GTPBP10: variants seen among roughly 807,000 people sequenced by gnomAD.
GTPBP10 encodes GTP-binding protein 10.
Under a neutral mutation model 44.8 loss-of-function variants are expected in GTPBP10, and 38 were observed. The ratio of observed to expected loss-of-function variants is 0.85; its 90% CI spans 0.65 to 1.11. The LOEUF (loss-of-function observed/expected upper bound fraction) is 1.11, where lower values mean the gene tolerates loss of function less well. GTPBP10 is among the 50% of genes most tolerant of loss of function. The probability of loss-of-function intolerance (pLI) is 0.00; values close to 1 mark genes in which losing one functional copy is unlikely to be tolerated. For synonymous variants in GTPBP10, 152 were observed against 150.6 expected (o/e 1.01, Z -0.07); for missense variants, 462 against 453.7 (o/e 1.02, Z -0.17).
intron 1 of GTPBP10, among the ~76,000 whole-genome samples, chr7:90,349,536 T>A (rs1438696089): frequency 1.3e-5 from 2 of 152,198 alleles, no homozygotes; most frequent in Non-Finnish European, 2.9e-5. Context: ...GAGAAAAGGT[T>A]TTTGTTCTCT....
intron 4 of GTPBP10, among the ~76,000 whole-genome samples, chr7:90,367,087 TTG>T (rs1315557668): frequency 6.6e-6 from 1 of 152,194 alleles, no homozygotes; most frequent in African/African-American, 2.4e-5. Flanking sequence ...TTCCATGTAG[TTG>T]TGTGGTTTTG....
Position 90,377,614 on chromosome 7 carries a change from TGTAA to T in GTPBP10, c.699+3_699+6del, listed in dbSNP as rs1410333411. On this transcript the variant is annotated splice_donor_variant and splice_donor_region_variant and intron_variant, in intron 7 of 9. Transcript: ENST00000222511. LOFTEE classifies it high-confidence loss of function. ...AAAGAACTAGACAACTACTTTTTGT[TGTAA>T]GTCATATGTATACTAATGTGATATT... is the stretch of plus-strand genomic sequence containing the variant. 2 of 1,581,054 alleles carry T rather than the reference TGTAA, an allele frequency of 1.3e-6. No homozygotes were observed. The highest frequency in any genetic ancestry group is 1.7e-6 in the Non-Finnish European group (2 of 1,152,994).
Position 90,377,578 on chromosome 7 carries a change from C to G in GTPBP10, c.663C>G (p.Leu221=). The change falls in exon 7 of 10, where the codon CTC becomes CTG. Residue 221 remains leucine (L), a synonymous_variant. Coordinates refer to ENST00000222511, the MANE Select transcript of GTPBP10 (RefSeq NM_033107.4). ...HMNKGMGHKF[L]KHIERTRQLL... Reference sequence around the variant, plus strand: ...ACAAAGGAATGGGCCACAAATTCCTCAAGCATATAGAAAGAACTAGACAAC... The same window carrying G: ...ACAAAGGAATGGGCCACAAATTCCTGAAGCATATAGAAAGAACTAGACAAC... 2 of 1,611,166 alleles carry G rather than the reference C, an allele frequency of 1.2e-6. No homozygotes were observed. The highest frequency in any genetic ancestry group is 2.2e-5 in the South Asian group (2 of 90,588).
At chr7:90,361,397 G>T (rs1310439645) in intron 4 of GTPBP10, among the ~76,000 whole-genome samples, 3 of 115,714 alleles carry the variant, frequency 2.6e-5, no homozygotes, top group African/African-American at 7.0e-5. Context: ...TAATCATGTG[G>T]TTTTTGTCAT....
chr7:90,364,314 G>C (rs1796088985), intron 4 of GTPBP10, among the ~76,000 whole-genome samples: 1 of 152,094 alleles, frequency 6.6e-6, no homozygotes, highest in Non-Finnish European at 1.5e-5. Context: ...ATGGGTTTTT[G>C]GTGTGGATGT....
At chr7:90,365,655 C>T (rs765891824) in intron 4 of GTPBP10, among the ~76,000 whole-genome samples, 4 of 152,146 alleles carry the variant, frequency 2.6e-5, no homozygotes, top group Admixed American at 6.5e-5. Flanking sequence ...GGATTACAGG[C>T]GTGAGCCACC....
In GTPBP10 at chr7:90,352,907, G is replaced by T. The variant is rs781150163; in HGVS notation, c.125G>T (p.Gly42Val). Reference sequence around the variant, plus strand: ...CGTTTAGGTGGAGAAGGTGGAAAAGGTGGTGATGTCTGGGTTGTAGCCCAG... The same window carrying T: ...CGTTTAGGTGGAGAAGGTGGAAAAGTTGGTGATGTCTGGGTTGTAGCCCAG... Reference protein sequence around the residue: ...YPRLGGEGGKGGDVWVVAQNR... With the variant: ...YPRLGGEGGKVGDVWVVAQNR... The change falls in exon 2 of 10, where the codon GGT (glycine) becomes GTT (valine). Residue 42 changes from glycine (G) to valine (V), a missense_variant. Gly to Val is a moderately radical substitution (Grantham distance 109). Coordinates refer to ENST00000222511, the MANE Select transcript of GTPBP10 (RefSeq NM_033107.4). The T allele has an allele frequency of 9.3e-6, 15 of 1,613,872 alleles. No individual in the cohort carries two copies. The highest frequency in any genetic ancestry group is 1.3e-5 in the Non-Finnish European group (15 of 1,179,968).
rs999168346 is a variant in GTPBP10 at position 90,389,753 on chromosome 7, A to T, written c.*4599A>T. On this transcript the variant is annotated 3_prime_UTR_variant, in exon 10 of 10. Coordinates refer to ENST00000222511, the MANE Select transcript of GTPBP10 (RefSeq NM_033107.4). ...AAAAGTTAAGCAGTGAAAAATAAAC[A>T]TCTTTTTTTCTTAAAGAGATATTTC... 6 of 152,164 alleles carry T rather than the reference A, an allele frequency of 3.9e-5. No individual in the cohort carries two copies. Among genetic ancestry groups the T allele is most frequent in the Non-Finnish European group, 7.3e-5 (5 of 68,030 alleles). The allele number at this position is 152,164 out of a possible 1,614,324, so 9.4% of individuals were successfully genotyped here. A position where few individuals can be genotyped will look rare whatever the true frequency, so the allele number is the denominator to read the frequency against.
At chr7:90,369,710 C>T (rs1796218553) in intron 4 of GTPBP10, among the ~76,000 whole-genome samples, 1 of 152,178 alleles carries the variant, frequency 6.6e-6, no homozygotes, top group African/African-American at 2.4e-5. Flanking sequence ...ACCACTCCTC[C>T]AGGTACAGAC....
At chr7:90,371,211 GTGTC>G (rs1237050079) in intron 4 of GTPBP10, 14 of 972,494 alleles carry the variant, frequency 1.4e-5, no homozygotes, top group African/African-American at 1.8e-5. Context: ...ACTATTAACA[GTGTC>G]TGTCTACCTG....
At position 90,385,376 on chromosome 7, in the gene GTPBP10, T is replaced by C. The variant is rs1562962267; in HGVS notation, c.*222T>C. On this transcript the variant is annotated 3_prime_UTR_variant, in exon 10 of 10. Coordinates refer to ENST00000222511, the MANE Select transcript of GTPBP10 (RefSeq NM_033107.4). ...GGGGCAGTGGAGGATTGAGGAGATATTGGTCAAAATTTACAAAATTTCAGT... is the reference window on the plus strand; with the variant it reads ...GGGGCAGTGGAGGATTGAGGAGATACTGGTCAAAATTTACAAAATTTCAGT... 2.9e-6 allele frequency: 1 copy of C among 348,714 alleles called. No individual in the cohort carries two copies. Among genetic ancestry groups the C allele is most frequent in the South Asian group, 7.5e-5 (1 of 13,266 alleles). The allele number at this position is 348,714 out of a possible 1,614,324, so 21.6% of individuals were successfully genotyped here.
intron 4 of GTPBP10, among the ~76,000 whole-genome samples, chr7:90,367,489 G>A (rs1246016252): frequency 1.3e-5 from 2 of 152,178 alleles, no homozygotes; most frequent in Non-Finnish European, 2.9e-5. Context: ...ACCTATTTAG[G>A]ATAGTTAGCT....
intron 7 of GTPBP10, 198 bp downstream of exon 7, chr7:90,377,812 A>C (rs930247564): frequency 4.3e-6 from 1 of 230,660 alleles, no homozygotes; most frequent in African/African-American, 2.3e-5. Flanking sequence ...TATTTCCTTA[A>C]GATTTCCAGC....
At chr7:90,377,298 A>T (rs1796357698) in intron 6 of GTPBP10, among the ~76,000 whole-genome samples, 1 of 152,216 alleles carries the variant, frequency 6.6e-6, no homozygotes, top group African/African-American at 2.4e-5. Flanking sequence ...GATTAATAGT[A>T]AATATGGGAC....
intron 9 of GTPBP10, among the ~76,000 whole-genome samples, 195 bp downstream of exon 9, chr7:90,383,274 A>G (rs1217818315): frequency 6.6e-6 from 1 of 152,220 alleles, no homozygotes; most frequent in Non-Finnish European, 1.5e-5. Flanking sequence ...ACAGTAAATT[A>G]AAGGAGACAA....
intron 1 of GTPBP10, among the ~76,000 whole-genome samples, chr7:90,350,475 G>C (rs62470795): frequency 0.89 from 135,859 of 152,012 alleles, 60,918 homozygotes; most frequent in East Asian, 1. Flanking sequence ...GAGGAATCTA[G>C]AACTGTCTTC....
intron 5 of GTPBP10, among the ~76,000 whole-genome samples, chr7:90,372,482 C>CTTTTTTTTTTGTTTTT (rs1796276950): frequency 8.9e-6 from 1 of 112,236 alleles, no homozygotes; most frequent in Non-Finnish European, 1.7e-5. Flanking sequence ...GCTTGGCTAA[C>CTTTTTTTTTTGTTTTT]TTTTTTTTTT....
chr7:90,349,806 G>C (rs17864946), intron 1 of GTPBP10, among the ~76,000 whole-genome samples: 15 of 152,146 alleles, frequency 9.9e-5, no homozygotes, highest in Admixed American at 3.9e-4. Flanking sequence ...ATATTCTTTC[G>C]TCTCAGTGAT....
chr7:90,372,359 T>C (rs1217630294), intron 5 of GTPBP10, 131 bp downstream of exon 5: 1 of 611,964 alleles, frequency 1.6e-6, no homozygotes, highest in East Asian at 2.8e-5. Flanking sequence ...GATAGACTAC[T>C]GTTGCACAGG....
Sources: allele counts gnomAD v4.1 joint callset (sites outside exome capture counted in the v4.1 genomes callset), GRCh38; gene constraint gnomAD v4.1.1; transcripts MANE v1.5; gene names NCBI Gene and HGNC (gene_info 2026-07-23, HGNC 2026-07-21).